The following PTPRB variants were observed in gnomAD, a reference collection of about 807,000 sequenced individuals.
PTPRB encodes receptor-type tyrosine-protein phosphatase beta.
PTPRB carries 97 observed loss-of-function variants against 238.1 expected under a neutral mutation model. The ratio of observed to expected loss-of-function variants is 0.41; its 90% CI spans 0.35 to 0.48. PTPRB has a LOEUF of 0.48. PTPRB is among the 20% of genes least tolerant of loss of function. The probability of loss-of-function intolerance (pLI) is 0.30; values close to 1 mark genes in which losing one functional copy is unlikely to be tolerated. For synonymous variants in PTPRB, 970 were observed against 995.4 expected, an observed-to-expected ratio of 0.97 and a Z score of 0.48; for missense variants, 2,292 against 2,681.9, an observed-to-expected ratio of 0.85 and a Z score of 3.21.
intron 4 of PTPRB, among the ~76,000 whole-genome samples, chr12:70,602,400 A>G (rs1331249278): frequency 6.6e-6 from 1 of 152,202 alleles, no homozygotes; most frequent in African/African-American, 2.4e-5. Context: ...TATTATCTAA[A>G]ATGCTGTATA....
intron 2 of PTPRB, among the ~76,000 whole-genome samples, chr12:70,626,292 C>G (rs967736166): frequency 2.6e-5 from 3 of 115,766 alleles, no homozygotes; most frequent in Non-Finnish European, 3.5e-5. Flanking sequence ...GATGTCTATC[C>G]ATCCATCTAT....
intron 28 of PTPRB, among the ~76,000 whole-genome samples, chr12:70,536,682 ACTC>A (rs1440627836): frequency 1.3e-5 from 2 of 151,844 alleles, no homozygotes; most frequent in East Asian, 3.9e-4. Context: ...ATTTTCATCT[ACTC>A]CTTCTGCACT....
In PTPRB at chr12:70,596,244, C is replaced by T. The variant is rs572275458; in HGVS notation, c.1063G>A (p.Gly355Arg). The part of the protein sequence containing the change: ...SLHVWWTPSS[G>R]KVTSYEVQLF... ...TGCACCTCATATGAGGTGACTTTTC[C>T]GGAAGAAGGAGTCCACCAAACATGC... is the stretch of plus-strand genomic sequence containing the variant. Residue 355 changes from glycine to arginine, a missense_variant, in exon 5 of 34, where the codon GGA (glycine) becomes AGA (arginine). This residue lies in a region of PTPRB where 1,205 missense variants were observed against 1,287.8 expected (regional missense o/e 0.94). Transcript: ENST00000334414. The T allele has an allele frequency of 8.1e-6, 13 of 1,612,744 alleles. No individual in the cohort carries two copies. The highest frequency in any genetic ancestry group is 7.7e-5 in the South Asian group (7 of 90,970).
intron 31 of PTPRB, 127 bp downstream of exon 31, chr12:70,534,361 G>A (rs1326140235): frequency 1.1e-5 from 11 of 1,022,532 alleles, no homozygotes; most frequent in East Asian, 2.6e-5. Flanking sequence ...CTCTGGGGGC[G>A]AGGCAGGCTG....
At position 70,538,793 on chromosome 12, in the gene PTPRB, T is replaced by C. The variant is rs192444518; in HGVS notation, c.5869+131A>G. The stretch of plus-strand genomic sequence containing the variant: ...CAGGAATATACAAGCTATTTCTTAT[T>C]AAAGGCATTCAGAGCTTGAGATTGT... On this transcript the variant is annotated intron_variant, in intron 27 of 33. Transcript: ENST00000334414. 1.8e-5 allele frequency: 13 copies of C among 719,966 alleles called. No homozygotes were observed. The African/African-American group carries it at 2.1e-4, about 12-fold the overall frequency. 44.6% of individuals were successfully genotyped at this position (719,966 alleles called of 1,614,324 possible). A position where few individuals can be genotyped will look rare whatever the true frequency, so the allele number is the denominator to read the frequency against.
chr12:70,522,851 TG>T (rs1871804587), intron 33 of PTPRB, among the ~76,000 whole-genome samples: 1 of 144,254 alleles, frequency 6.9e-6, no homozygotes, highest in Admixed American at 7.1e-5. Flanking sequence ...AGCATTCTTT[TG>T]TTTGTTTTTT....
chr12:70,622,297 G>C, intron 3 of PTPRB, 93 bp downstream of exon 3: 1 of 1,524,958 alleles, frequency 6.6e-7, no homozygotes, highest in South Asian at 1.2e-5. Flanking sequence ...TCCCCCTACT[G>C]CAGCAGTGGC....
Position 70,566,490 on chromosome 12 carries a change from G to A in PTPRB, c.3849C>T (p.Ile1283=), listed in dbSNP as rs1421459607. 1.2e-6 allele frequency: 2 copies of A among 1,613,874 alleles called. No homozygotes were observed. Among genetic ancestry groups the A allele is most frequent in the Non-Finnish European group, 1.7e-6 (2 of 1,179,886 alleles). The change falls in exon 15 of 34, where the codon ATC becomes ATT. Residue 1283 remains isoleucine, a synonymous_variant. Coordinates refer to ENST00000334414, the MANE Select transcript of PTPRB (RefSeq NM_001109754.4). ...LTPGKKYKIQ[I]LTVSGGLFSK... is the part of the protein sequence containing the mutation. ...TAAAGAGGCCTCCACTGACAGTTAG[G>A]ATCTGTATCTTGTATTTCTTGCCTG...
chr12:70,519,385 C>G lies in PTPRB; in HGVS notation c.*2104G>C. 6.6e-6 allele frequency: 1 copy of G among 152,134 alleles called. No individual in the cohort carries two copies. The highest frequency in any genetic ancestry group is 1.5e-5 in the Non-Finnish European group (1 of 68,026). The allele number at this position is 152,134 out of a possible 1,614,324, so 9.4% of individuals were successfully genotyped here. Reference sequence around the variant, plus strand: ...ACTGTCCTAGACTGGCTCAGTTATCCCATTCCCTTGATGAGGCTGTCTTTT... The same window carrying G: ...ACTGTCCTAGACTGGCTCAGTTATCGCATTCCCTTGATGAGGCTGTCTTTT... On this transcript the variant is annotated 3_prime_UTR_variant, in exon 34 of 34. Transcript: ENST00000334414.
chr12:70,622,953 G>GT (rs200264880), intron 2 of PTPRB, among the ~76,000 whole-genome samples: 1 of 151,402 alleles, frequency 6.6e-6, no homozygotes, highest in Admixed American at 6.6e-5. Context: ...GAATTTAGGG[G>GT]GGGGGTCACT....
chr12:70,529,072 A>T (rs527482709), intron 32 of PTPRB, among the ~76,000 whole-genome samples: 50 of 152,190 alleles, frequency 3.3e-4, no homozygotes, highest in African/African-American at 1.2e-3. Flanking sequence ...CAAAGAATGA[A>T]GACTGAGAGA....
In PTPRB at chr12:70,560,532, C is replaced by T; in HGVS notation, c.4432+139G>A. 1.8e-6 allele frequency: 2 copies of T among 1,104,692 alleles called. 1 individual carries two copies. The highest frequency in any genetic ancestry group is 3.3e-5 in the South Asian group (2 of 61,232). The allele number at this position is 1,104,692 out of a possible 1,614,324, so 68.4% of individuals were successfully genotyped here. A position where few individuals can be genotyped will look rare whatever the true frequency, so the allele number is the denominator to read the frequency against. ...GCCTTGTCCTTTATCTGTTGTCCCACAGTCCCTTCCCAAATTCAGGGGCTA... is the reference window on the plus strand; with the variant it reads ...GCCTTGTCCTTTATCTGTTGTCCCATAGTCCCTTCCCAAATTCAGGGGCTA... On this transcript the variant is annotated intron_variant, in intron 17 of 33. Transcript: ENST00000334414. The surrounding 1 kb of genome is among the most constrained non-coding windows in gnomAD (Gnocchi z 4.2).
Position 70,614,664 on chromosome 12 carries a change from T to G in PTPRB, c.709-5325A>C, listed in dbSNP as rs541054761. On this transcript the variant is annotated intron_variant, in intron 3 of 33. Transcript: ENST00000334414. ...AAGGCCAGTTTGATACCTTTCCTCC[T>G]AGGAGGTAGTTTTGTTATGCAAACC... 1.1e-3 allele frequency among the ~76,000 whole-genome samples: 173 copies of G among 152,156 alleles called. 1 individual carries two copies. Among genetic ancestry groups the G allele is most frequent in the Middle Eastern group, 3.4e-3 (1 of 294 alleles).
chr12:70,594,804 A>G (rs1882844094), intron 5 of PTPRB, 80 bp from the exon 6 acceptor site: 1 of 1,509,886 alleles, frequency 6.6e-7, no homozygotes, highest in Non-Finnish European at 9.0e-7. Flanking sequence ...TAGAAGTCAC[A>G]TATTCATTTG....
At chr12:70,586,748 C>T (rs1250240197) in intron 9 of PTPRB, among the ~76,000 whole-genome samples, 1 of 152,192 alleles carries the variant, frequency 6.6e-6, no homozygotes, top group African/African-American at 2.4e-5. Context: ...CTCTGCTCTC[C>T]TTTACAGCAA....
intron 6 of PTPRB, 98 bp downstream of exon 6, chr12:70,594,369 T>C (rs17814392): frequency 0.12 from 175,092 of 1,443,618 alleles, 11,554 homozygotes; most frequent in Middle Eastern, 0.16. Context: ...AGAATTTCAA[T>C]TTGTCCTATA....
chr12:70,615,641 T>A (rs2136562375), intron 3 of PTPRB, among the ~76,000 whole-genome samples: 1 of 152,344 alleles, frequency 6.6e-6, no homozygotes, highest in East Asian at 1.9e-4. Context: ...TGCATCTTCT[T>A]TCACACCACA....
At chr12:70,557,392 A>G (rs1021331861) in intron 18 of PTPRB, among the ~76,000 whole-genome samples, 1 of 152,234 alleles carries the variant, frequency 6.6e-6, no homozygotes, top group Non-Finnish European at 1.5e-5. Context: ...CGAAGAAAAC[A>G]AAACAAAACA....
At chr12:70,540,518 G>T in intron 23 of PTPRB, 1 of 231,244 alleles carries the variant, frequency 4.3e-6, no homozygotes, top group Non-Finnish European at 8.4e-6. Context: ...AAAGCACTTG[G>T]GCATGCAATT....
Sources: gnomAD v4.1 joint callset for allele counts (sites outside exome capture counted in the v4.1 genomes callset) on GRCh38, gnomAD v4.1.1 for gene constraint, gnomAD v4.1.1 regional missense constraint, Gnocchi (gnomAD v3.1) non-coding constraint, MANE v1.5 for transcripts, NCBI Gene and HGNC (gene_info 2026-07-23, HGNC 2026-07-21) for gene names.